The following COL4A5 variants were observed in gnomAD, a reference collection of about 807,000 sequenced individuals.
The protein encoded by COL4A5 is collagen alpha-5(IV) chain.
COL4A5 carries 26 observed loss-of-function variants against 130.2 expected under a neutral mutation model. The observed-to-expected ratio is 0.20, with a 90% CI of 0.15 to 0.28. The LOEUF (loss-of-function observed/expected upper bound fraction) is 0.28, where lower values mean the gene tolerates loss of function less well. COL4A5 is among the 10% of genes least tolerant of loss of function. The pLI, the probability that COL4A5 is intolerant of heterozygous loss-of-function variation, is 1.00. For missense variants in COL4A5, 1,131 were observed against 1,344.3 expected, an observed-to-expected ratio of 0.84 and a Z score of 2.48; for synonymous variants, 496 against 439.6, an observed-to-expected ratio of 1.13 and a Z score of -1.60.
chrX:108,558,541 G>A (rs2065860668), intron 2 of COL4A5, among the ~76,000 whole-genome samples: 1 of 111,294 alleles, frequency 9.0e-6, no homozygotes. Flanking sequence ...CTGAGTAAAG[G>A]AATTAATGGT....
At chrX:108,588,625 C>G (rs1312243194) in intron 19 of COL4A5, among the ~76,000 whole-genome samples, 1 of 110,514 alleles carries the variant, frequency 9.0e-6, no homozygotes. Flanking sequence ...GAACTTCCAT[C>G]TATTAAAAAA....
chrX:108,688,377 T>C (rs1242030601), intron 49 of COL4A5, among the ~76,000 whole-genome samples: 1 of 110,794 alleles, frequency 9.0e-6, no homozygotes, highest in Admixed American at 9.6e-5. Context: ...AATTCTGACT[T>C]TGGATGTTGA....
chrX:108,576,958 G>T (rs1283015753), intron 10 of COL4A5, among the ~76,000 whole-genome samples: 2 of 111,758 alleles, frequency 1.8e-5, no homozygotes, highest in Non-Finnish European at 3.8e-5. Flanking sequence ...GGTGCCCCTT[G>T]AGTATATTGT....
intron 1 of COL4A5, among the ~76,000 whole-genome samples, chrX:108,526,705 C>A (rs1456414551): frequency 1.1e-5 from 1 of 88,461 alleles, no homozygotes; most frequent in Non-Finnish European, 2.2e-5. Context: ...TTCTTTCTTT[C>A]TTTCTTTCTT....
At chrX:108,449,458 T>C (rs1394587269) in intron 1 of COL4A5, among the ~76,000 whole-genome samples, 5 of 112,130 alleles carry the variant, frequency 4.5e-5, no homozygotes, top group South Asian at 3.7e-4. Flanking sequence ...AGTGATCTTT[T>C]AGGTCAGTAG....
At chrX:108,564,027 C>T in intron 4 of COL4A5, 101 bp downstream of exon 4, 3 of 758,360 alleles carry the variant, frequency 4.0e-6, no homozygotes, top group Non-Finnish European at 5.9e-6. Context: ...TATTAAAAGC[C>T]AAGAAGATAA....
At chrX:108,544,693 C>T (rs2065615670) in intron 2 of COL4A5, among the ~76,000 whole-genome samples, 1 of 110,907 alleles carries the variant, frequency 9.0e-6, no homozygotes, top group African/African-American at 3.3e-5. Context: ...GGTAGCAGCT[C>T]CTCCTTGTAC....
chrX:108,697,329 C>T lies in COL4A5; in HGVS notation c.*951C>T, dbSNP rs768368622. ...TCCCTGTGCTTCTTATGTAAGAATCCTCCTGTGGCCTCTGCTTGTACAGAA... is the reference window on the plus strand; with the variant it reads ...TCCCTGTGCTTCTTATGTAAGAATCTTCCTGTGGCCTCTGCTTGTACAGAA... On this transcript the variant is annotated 3_prime_UTR_variant, in exon 53 of 53. Transcript: ENST00000328300. The T allele has an allele frequency of 6.2e-4, 68 of 110,496 alleles. No individual in the cohort carries two copies. Among genetic ancestry groups the T allele is most frequent in the African/African-American group, 1.9e-3 (58 of 30,504 alleles). The allele number at this position is 110,496 out of a possible 1,213,427, so 9.1% of individuals were successfully genotyped here.
At chrX:108,648,950 T>A (rs2067666053) in intron 36 of COL4A5, among the ~76,000 whole-genome samples, 1 of 111,204 alleles carries the variant, frequency 9.0e-6, no homozygotes, top group Non-Finnish European at 1.9e-5. Flanking sequence ...GAAGTCAAAC[T>A]GTCACTGTTT....
intron 1 of COL4A5, among the ~76,000 whole-genome samples, chrX:108,510,739 T>A (rs1385290847): frequency 8.9e-6 from 1 of 111,826 alleles, no homozygotes; most frequent in East Asian, 2.8e-4. Context: ...TTGTGATACC[T>A]TGTCTCCCAA....
intron 1 of COL4A5, among the ~76,000 whole-genome samples, chrX:108,452,146 G>A (rs1259490624): frequency 1.4e-4 from 16 of 111,368 alleles, no homozygotes; most frequent in South Asian, 3.8e-4. Context: ...GATTTGTGGC[G>A]TTATTTCTGA....
intron 30 of COL4A5, among the ~76,000 whole-genome samples, chrX:108,618,498 A>G (rs1217111689): frequency 8.9e-6 from 1 of 111,960 alleles, no homozygotes; most frequent in Admixed American, 9.5e-5. Flanking sequence ...AACAATTGAA[A>G]AGCTGACCTT....
intron 1 of COL4A5, among the ~76,000 whole-genome samples, chrX:108,465,849 C>T (rs767715053): frequency 9.0e-6 from 1 of 111,020 alleles, no homozygotes; most frequent in East Asian, 2.8e-4. Context: ...TAAAAGTGAA[C>T]AATTTAGTGA....
Position 108,697,300 on chromosome X carries a change from CT to C in COL4A5, c.*926del, listed in dbSNP as rs779508941. ...AAACACACACGCAGAATTAACAATTCTTTTCCCTGTGCTTCTTATGTAAGAA... is the reference window on the plus strand; with the variant it reads ...AAACACACACGCAGAATTAACAATTCTTTCCCTGTGCTTCTTATGTAAGAA... On this transcript the variant is annotated 3_prime_UTR_variant, in exon 53 of 53. Coordinates refer to ENST00000328300, the MANE Select transcript of COL4A5 (RefSeq NM_033380.3). The C allele has an allele frequency of 1.8e-5, 2 of 110,837 alleles. No individual in the cohort carries two copies. Among genetic ancestry groups the C allele is most frequent in the South Asian group, 7.6e-4 (2 of 2,641 alleles). 9.1% of individuals were successfully genotyped at this position (110,837 alleles called of 1,213,427 possible). A position where few individuals can be genotyped will look rare whatever the true frequency, so the allele number is the denominator to read the frequency against.
intron 1 of COL4A5, among the ~76,000 whole-genome samples, chrX:108,494,626 A>G (rs2065019201): frequency 9.0e-6 from 1 of 110,536 alleles, no homozygotes; most frequent in African/African-American, 3.3e-5. Flanking sequence ...AAGTTAGATA[A>G]CGCAGAGGGA....
intron 30 of COL4A5, among the ~76,000 whole-genome samples, chrX:108,617,257 G>A (rs73636554): frequency 0.019 from 2,133 of 111,172 alleles, 36 homozygotes; most frequent in East Asian, 0.076. Context: ...TAAGGTAATC[G>A]GAAAGATTCT....
At chrX:108,462,447 C>CTA (rs2064662501) in intron 1 of COL4A5, 1 of 111,978 alleles carries the variant, frequency 8.9e-6, no homozygotes, top group African/African-American at 3.3e-5. Flanking sequence ...GGATCTCACT[C>CTA]TATCACCCAG....
intron 1 of COL4A5, among the ~76,000 whole-genome samples, chrX:108,484,490 AT>A (rs1203455520): frequency 2.7e-5 from 3 of 112,286 alleles, no homozygotes; most frequent in African/African-American, 9.7e-5. Context: ...GGCTGTTGTG[AT>A]TTAAGCCGTA....
In COL4A5 at chrX:108,589,475, T is replaced by G. The variant is rs557084222; in HGVS notation, c.1166-1583T>G. 4.3e-4 allele frequency among the ~76,000 whole-genome samples: 48 copies of G among 110,797 alleles called. No homozygotes were observed. The South Asian group carries it at 0.018, about 41-fold the overall frequency. ...CAACAAATTTGAAAGGACTAAACACTGATTAAAAGACAGTGACTAAAATAA... is the reference window on the plus strand; with the variant it reads ...CAACAAATTTGAAAGGACTAAACACGGATTAAAAGACAGTGACTAAAATAA... On this transcript the variant is annotated intron_variant, in intron 19 of 52. Transcript: ENST00000328300.
Sources: allele counts gnomAD v4.1 joint callset (sites outside exome capture counted in the v4.1 genomes callset), GRCh38; gene constraint gnomAD v4.1.1; transcripts MANE v1.5; gene names NCBI Gene and HGNC (gene_info 2026-07-23, HGNC 2026-07-21).